Variants in CNNM2 observed in about 807,000 individuals in gnomAD.
The protein encoded by CNNM2 is metal transporter CNNM2.
Under a neutral mutation model 66.9 loss-of-function variants are expected in CNNM2, and 12 were observed. The observed-to-expected ratio is 0.18, with a 90% CI of 0.11 to 0.29. The LOEUF (loss-of-function observed/expected upper bound fraction) is 0.29. CNNM2 is among the 10% of genes least tolerant of loss of function. The pLI is 1.00. For synonymous variants in CNNM2, 557 were observed against 501.8 expected (o/e 1.11, Z -1.47); for missense variants, 705 against 1,167.7 (o/e 0.60, Z 5.77).
chr10:102,978,845 TTATC>T (rs2063678028), intron 1 of CNNM2, among the ~76,000 whole-genome samples: 1 of 152,200 alleles, frequency 6.6e-6, no homozygotes, highest in Admixed American at 6.5e-5. Context: ...TTTTTGTACT[TTATC>T]TATAATAAAT....
rs1212544375 is a variant in CNNM2 at position 102,958,470 on chromosome 10, T to G, written c.1621+38369T>G. On this transcript the variant is annotated intron_variant, in intron 1 of 7. Transcript: ENST00000369878. ...AATTCAAGCAACTTGTTTTTTTTTT[T>G]TTTTTTTTTTTTTTTTTTTGAGATG... Among the ~76,000 whole-genome samples, 71 of 119,786 alleles carry G rather than the reference T, an allele frequency of 5.9e-4. 1 individual carries two copies. In the East Asian group the frequency reaches 0.014, roughly 23 times the overall value. The allele number at this position is 119,786 out of a possible 152,430, so 78.6% of individuals were successfully genotyped here.
Position 103,048,214 on chromosome 10 carries a change from AT to A in CNNM2, c.1622-1475del, listed in dbSNP as rs61111356. 7.5e-3 allele frequency among the ~76,000 whole-genome samples: 795 copies of A among 106,554 alleles called. 2 individuals carry two copies. The highest frequency in any genetic ancestry group is 0.019 in the African/African-American group (536 of 28,090). The allele number at this position is 106,554 out of a possible 152,430, so 69.9% of individuals were successfully genotyped here. On this transcript the variant is annotated intron_variant, in intron 1 of 7. Coordinates refer to ENST00000369878, the MANE Select transcript of CNNM2 (RefSeq NM_017649.5). ...ACAAATGTGAGCCACTGCGCTCAGC[AT>A]TTTTTTTTTTTTTTTTTGAGTGGGA...
At chr10:103,039,327 G>A (rs951782906) in intron 1 of CNNM2, among the ~76,000 whole-genome samples, 4 of 152,080 alleles carry the variant, frequency 2.6e-5, no homozygotes, top group Admixed American at 1.3e-4. Context: ...AGTAGAGACG[G>A]GGTTTTGCCC....
At chr10:103,010,269 AC>A (rs1320598667) in intron 1 of CNNM2, among the ~76,000 whole-genome samples, 2 of 151,350 alleles carry the variant, frequency 1.3e-5, no homozygotes, top group African/African-American at 4.9e-5. Flanking sequence ...ACAGAGTTTC[AC>A]CCTGTTACCC....
chr10:102,933,937 G>A (rs569182716), intron 1 of CNNM2, among the ~76,000 whole-genome samples: 23 of 151,912 alleles, frequency 1.5e-4, no homozygotes, highest in Middle Eastern at 3.4e-3. Context: ...GGGCACAAGC[G>A]ATCCTTCCAC....
At chr10:102,959,909 G>A (rs572162790) in intron 1 of CNNM2, among the ~76,000 whole-genome samples, 25 of 151,946 alleles carry the variant, frequency 1.6e-4, no homozygotes, top group African/African-American at 3.6e-4. Flanking sequence ...AAAATTAGCC[G>A]GGCATGGTGG....
intron 1 of CNNM2, among the ~76,000 whole-genome samples, chr10:102,972,179 A>C (rs1384921941): frequency 6.6e-6 from 1 of 152,196 alleles, no homozygotes; most frequent in Non-Finnish European, 1.5e-5. Flanking sequence ...TTCTAAGTGT[A>C]ACTATCTTAA....
At chr10:102,957,463 T>G (rs1847087871) in intron 1 of CNNM2, among the ~76,000 whole-genome samples, 1 of 152,080 alleles carries the variant, frequency 6.6e-6, no homozygotes, top group African/African-American at 2.4e-5. Flanking sequence ...GAAGGGAAAG[T>G]TTTTGAGTGC....
At chr10:103,065,534 A>G (rs1160006620) in intron 4 of CNNM2, among the ~76,000 whole-genome samples, 1 of 152,208 alleles carries the variant, frequency 6.6e-6, no homozygotes, top group Admixed American at 6.5e-5. Context: ...TGCCTGCCCT[A>G]CTAGTCCTGA....
At chr10:102,981,279 G>T (rs1017907516) in intron 1 of CNNM2, among the ~76,000 whole-genome samples, 3 of 152,032 alleles carry the variant, frequency 2.0e-5, no homozygotes, top group Non-Finnish European at 4.4e-5. Flanking sequence ...GAGTCCGGGA[G>T]GTTGAGGCTG....
intron 4 of CNNM2, among the ~76,000 whole-genome samples, chr10:103,060,300 G>T (rs542497830): frequency 6.6e-6 from 1 of 152,188 alleles, no homozygotes; most frequent in Non-Finnish European, 1.5e-5. Context: ...GGTGGCTCAC[G>T]CCTGTAATCC....
rs576468229 is a variant in CNNM2 at position 102,922,636 on chromosome 10, A to G, written c.1621+2535A>G. Among the ~76,000 whole-genome samples the G allele has an allele frequency of 6.6e-5, 10 of 152,298 alleles. No individual in the cohort carries two copies. In the South Asian group the frequency reaches 1.2e-3, roughly 19 times the overall value. On this transcript the variant is annotated intron_variant, in intron 1 of 7. Transcript: ENST00000369878. ...CAGACCAGTTAGATCATAGATCCAG[A>G]TCTCATTGAAAATTATCCTTTTGGC...
chr10:103,025,590 C>T (rs941469834), intron 1 of CNNM2, among the ~76,000 whole-genome samples: 1 of 152,184 alleles, frequency 6.6e-6, no homozygotes, highest in African/African-American at 2.4e-5. Flanking sequence ...TGAAGTAGGA[C>T]CCAGGCATTT....
intron 1 of CNNM2, among the ~76,000 whole-genome samples, chr10:102,995,153 C>T (rs1364438580): frequency 1.9e-4 from 6 of 30,932 alleles, no homozygotes; most frequent in East Asian, 1.2e-3. Flanking sequence ...TTCCTCCTCC[C>T]CCTCTTCCTC....
At chr10:102,927,391 G>A (rs753641001) in intron 1 of CNNM2, 1 of 1,613,764 alleles carries the variant, frequency 6.2e-7, no homozygotes, top group East Asian at 2.2e-5. Flanking sequence ...GAAAAGAAGA[G>A]ACAATAAGAA....
intron 1 of CNNM2, among the ~76,000 whole-genome samples, chr10:102,998,262 A>G (rs1232647142): frequency 6.6e-6 from 1 of 152,256 alleles, no homozygotes; most frequent in African/African-American, 2.4e-5. Context: ...CTGTATCTAC[A>G]GCAGGGAAGC....
At chr10:103,001,216 A>G (rs974935486) in intron 1 of CNNM2, among the ~76,000 whole-genome samples, 1 of 152,186 alleles carries the variant, frequency 6.6e-6, no homozygotes, top group Non-Finnish European at 1.5e-5. Context: ...AATGCATTTT[A>G]GTTTTGCAGG....
At chr10:102,922,014 T>G (rs1845657963) in intron 1 of CNNM2, among the ~76,000 whole-genome samples, 1 of 152,226 alleles carries the variant, frequency 6.6e-6, no homozygotes, top group African/African-American at 2.4e-5. Context: ...GGAGCTGTTT[T>G]TCCTTCAGAA....
intron 1 of CNNM2, among the ~76,000 whole-genome samples, chr10:103,043,163 T>A (rs2065071264): frequency 6.6e-6 from 1 of 152,166 alleles, no homozygotes; most frequent in African/African-American, 2.4e-5. Context: ...ATGTTTGGCT[T>A]GAGTTTCTCA....
Sources: gnomAD v4.1 joint callset for allele counts (sites outside exome capture counted in the v4.1 genomes callset) on GRCh38, gnomAD v4.1.1 for gene constraint, MANE v1.5 for transcripts, NCBI Gene and HGNC (gene_info 2026-07-23, HGNC 2026-07-21) for gene names.